AZIN2: variants seen among roughly 807,000 people sequenced by gnomAD.
The protein encoded by AZIN2 is antizyme inhibitor 2.
A neutral mutation model predicts 47.8 loss-of-function variants in AZIN2; 28 were observed. The observed-to-expected ratio is 0.59, with a 90% CI of 0.43 to 0.80. The LOEUF (loss-of-function observed/expected upper bound fraction) is 0.80. AZIN2 is among the 30% of genes least tolerant of loss of function. The probability of loss-of-function intolerance (pLI) is 0.00; values close to 1 mark genes in which losing one functional copy is unlikely to be tolerated. For synonymous variants in AZIN2, 221 were observed against 239.4 expected (o/e 0.92, Z 0.71); for missense variants, 535 against 582.5 (o/e 0.92, Z 0.84).
At chr1:33,150,206 C>G in the AZIN2 span, among the ~76,000 whole-genome samples, 1 of 152,376 alleles carries the variant, frequency 6.6e-6, no homozygotes, top group Admixed American at 6.5e-5. Flanking sequence ...GGAATTGCCT[C>G]TGTTCCTTGG....
the AZIN2 span, among the ~76,000 whole-genome samples, chr1:33,154,296 A>G: frequency 6.6e-6 from 1 of 152,020 alleles, no homozygotes; most frequent in African/African-American, 2.4e-5. Context: ...GACCCAGGAC[A>G]GCCCTGGAGC....
At chr1:33,159,865 G>T in the AZIN2 span, 1 of 1,612,916 alleles carries the variant, frequency 6.2e-7, no homozygotes, top group Non-Finnish European at 8.5e-7. This position sits in a 1 kb window ranked among gnomAD's most constrained non-coding sequence, Gnocchi z 4.2. Context: ...CTCTAGCATG[G>T]CCTTCTGGCG....
chr1:33,087,947 A>T (rs1642112059), intron 5 of AZIN2, among the ~76,000 whole-genome samples: 1 of 152,028 alleles, frequency 6.6e-6, no homozygotes, highest in Admixed American at 6.6e-5. Flanking sequence ...TAATCTGCAT[A>T]TTGCTCTCCA....
At chr1:33,138,623 C>CA in the AZIN2 span, among the ~76,000 whole-genome samples, 2 of 55,010 alleles carry the variant, frequency 3.6e-5, no homozygotes, top group African/African-American at 8.3e-5. Flanking sequence ...ACAACAACAA[C>CA]AACAAAAAAA....
At chr1:33,150,788 G>A in the AZIN2 span, among the ~76,000 whole-genome samples, 1 of 152,122 alleles carries the variant, frequency 6.6e-6, no homozygotes, top group Admixed American at 6.5e-5. Context: ...GAGCTAGATT[G>A]AGAAGAGGAA....
At chr1:33,143,383 G>A in the AZIN2 span, among the ~76,000 whole-genome samples, 1 of 152,198 alleles carries the variant, frequency 6.6e-6, no homozygotes, top group African/African-American at 2.4e-5. Flanking sequence ...AGAAGGCTGA[G>A]CAAAGACAGA....
intron 10 of AZIN2, among the ~76,000 whole-genome samples, chr1:33,117,332 T>A (rs995357307): frequency 5.3e-5 from 8 of 152,050 alleles, no homozygotes; most frequent in African/African-American, 1.9e-4. Context: ...TGAGGACATC[T>A]GGGAGGGCTT....
downstream of AZIN2, among the ~76,000 whole-genome samples, chr1:33,127,698 C>G (rs1021975621): frequency 6.6e-5 from 10 of 152,220 alleles, no homozygotes; most frequent in African/African-American, 2.4e-4. Flanking sequence ...GACTTGTCTC[C>G]GATGTCCTTC....
the AZIN2 span, among the ~76,000 whole-genome samples, chr1:33,150,988 G>A: frequency 1.3e-5 from 2 of 152,142 alleles, no homozygotes; most frequent in Admixed American, 6.5e-5. Flanking sequence ...GGCAGCAACC[G>A]AGGCTCAGGG....
intron 7 of AZIN2, among the ~76,000 whole-genome samples, 153 bp from the exon 8 acceptor site, chr1:33,094,395 T>C (rs1450453799): frequency 1.3e-5 from 2 of 152,178 alleles, no homozygotes; most frequent in African/African-American, 4.8e-5. Flanking sequence ...ATATGGCCCT[T>C]GGCAACCCAT....
At chr1:33,144,418 A>C in the AZIN2 span, among the ~76,000 whole-genome samples, 117 of 152,324 alleles carry the variant, frequency 7.7e-4, 1 homozygote, top group African/African-American at 2.6e-3. Context: ...GATTACAGGC[A>C]TGAGCCACTG....
At chr1:33,082,146 A>C in intron 3 of AZIN2, 32 bp from the exon 4 acceptor site, 53 of 919,102 alleles carry the variant, frequency 5.8e-5, no homozygotes, top group East Asian at 8.0e-5. Context: ...CCGGCCCCCC[A>C]GCGGTTCCCT....
intron 10 of AZIN2, among the ~76,000 whole-genome samples, chr1:33,117,149 AT>A (rs1207833467): frequency 6.6e-6 from 1 of 152,094 alleles, no homozygotes; most frequent in African/African-American, 2.4e-5. Context: ...CAGAGCCTCC[AT>A]TTTTCTGAAA....
intron 5 of AZIN2, among the ~76,000 whole-genome samples, chr1:33,088,724 ACTTC>A (rs928304697): frequency 1.1e-4 from 17 of 152,170 alleles, no homozygotes; most frequent in Admixed American, 7.8e-4. Context: ...TGCACAGACC[ACTTC>A]CTCTACTGGA....
the AZIN2 span, among the ~76,000 whole-genome samples, chr1:33,137,506 C>T: frequency 6.6e-6 from 1 of 152,080 alleles, no homozygotes; most frequent in Non-Finnish European, 1.5e-5. Context: ...ACATGGATTC[C>T]AGTTGGGTTT....
chr1:33,154,507 G>GT, the AZIN2 span, among the ~76,000 whole-genome samples: 9 of 149,412 alleles, frequency 6.0e-5, no homozygotes, highest in East Asian at 7.9e-4. Flanking sequence ...AATTAAATTT[G>GT]TTTTTTTTGA....
rs924844000 is a variant in AZIN2, at chr1:33,121,967, G to A, written c.*1785G>A. 1.3e-5 allele frequency among the ~76,000 whole-genome samples: 2 copies of A among 152,014 alleles called. No individual in the cohort carries two copies. The highest frequency in any genetic ancestry group is 2.4e-5 in the African/African-American group (1 of 41,384). On this transcript the variant is annotated 3_prime_UTR_variant, in exon 12 of 12. Coordinates refer to ENST00000294517, the MANE Select transcript of AZIN2 (RefSeq NM_052998.4). ...CTTTTCCAGGTGGGATCTAGTTTTC[G>A]GTATCTTGACAATAAATAGGCTGAA...
At chr1:33,127,854 C>T (rs804430), downstream of AZIN2, among the ~76,000 whole-genome samples, 3 of 152,100 alleles carry the variant, frequency 2.0e-5, no homozygotes, top group Non-Finnish European at 4.4e-5. Flanking sequence ...AGGCCCTGCT[C>T]TCGCCTTCAC....
At chr1:33,082,450 C>T (rs1478039743) in intron 4 of AZIN2, 96 bp downstream of exon 4, 1 of 811,916 alleles carries the variant, frequency 1.2e-6, no homozygotes, top group East Asian at 2.8e-5. Context: ...TATCCTTTCG[C>T]TTATTTGGTA....
Sources: gnomAD v4.1 joint callset for allele counts (sites outside exome capture counted in the v4.1 genomes callset) on GRCh38, gnomAD v4.1.1 for gene constraint, Gnocchi (gnomAD v3.1) non-coding constraint, MANE v1.5 for transcripts, NCBI Gene and HGNC (gene_info 2026-07-23, HGNC 2026-07-21) for gene names.